Variants in ODAD1 observed in about 807,000 individuals in gnomAD.
The protein encoded by ODAD1 is outer dynein arm-docking complex subunit 1.
Under a neutral mutation model 67.2 loss-of-function variants are expected in ODAD1, and 49 were observed. The observed-to-expected ratio is 0.73, with a 90% confidence interval of 0.58 to 0.92. ODAD1 has a LOEUF of 0.92. ODAD1 is among the 40% of genes least tolerant of loss of function. ODAD1 has a pLI of 0.00. For missense variants in ODAD1, 897 were observed against 953.7 expected (o/e 0.94, Z 0.78); for synonymous variants, 345 against 393.7 (o/e 0.88, Z 1.46).
In ODAD1 at chr19:48,303,105, T is replaced by C; in HGVS notation, c.989-10A>G. 6.2e-7 allele frequency: 1 copy of C among 1,608,286 alleles called. No homozygotes were observed. Among genetic ancestry groups the C allele is most frequent in the Non-Finnish European group, 8.5e-7 (1 of 1,175,220 alleles). ...AAGTTGCGCTCCTCGACTGGGAGAGTTGGGCAAGGCGGGGCCCAGAGAGAG... is the reference window on the plus strand; with the variant it reads ...AAGTTGCGCTCCTCGACTGGGAGAGCTGGGCAAGGCGGGGCCCAGAGAGAG... On this transcript the variant is annotated splice_polypyrimidine_tract_variant and intron_variant, in intron 10 of 15. Coordinates refer to ENST00000674294, the MANE Select transcript of ODAD1 (RefSeq NM_001364171.2).
At chr19:48,320,132 GC>G in intron 3 of ODAD1, 166 bp downstream of exon 3, 1 of 959,690 alleles carries the variant, frequency 1.0e-6, no homozygotes, top group Non-Finnish European at 1.3e-6. Context: ...CCCAGGCTTG[GC>G]CCACCCACCG....
chr19:48,314,246 G>A (rs1042661317), intron 5 of ODAD1, among the ~76,000 whole-genome samples: 16 of 152,270 alleles, frequency 1.1e-4, no homozygotes, highest in Admixed American at 4.6e-4. Context: ...CCAGCAAACC[G>A]GCAGAAGCAG....
rs1968344259 is a variant in ODAD1 at position 48,297,795 on chromosome 19, G to A, written c.1503-127C>T. 8.4e-6 allele frequency: 8 copies of A among 947,794 alleles called. No individual in the cohort carries two copies. In the South Asian group the frequency reaches 1.5e-4, roughly 17 times the overall value. The allele number at this position is 947,794 out of a possible 1,614,324, so 58.7% of individuals were successfully genotyped here. Reference sequence around the variant, plus strand: ...AGCCCCGAGTGCCCTTCCCTTCTGGGGCACCCGGGGCCCCATCCTCCCACA... The same window carrying A: ...AGCCCCGAGTGCCCTTCCCTTCTGGAGCACCCGGGGCCCCATCCTCCCACA... On this transcript the variant is annotated intron_variant, in intron 14 of 15. Coordinates refer to ENST00000674294, the MANE Select transcript of ODAD1 (RefSeq NM_001364171.2).
rs553397022 is a variant in ODAD1 at position 48,310,132 on chromosome 19, G to C, written c.597+1421C>G. Among the ~76,000 whole-genome samples the C allele has an allele frequency of 1.2e-4, 19 of 152,234 alleles. No individual in the cohort carries two copies. In the East Asian group the frequency reaches 3.1e-3, roughly 25 times the overall value. ...GCCTGTAATCCCAGCTACTCAGGAG[G>C]CTGAGGCAGGAGAATCACTTGAACC... On this transcript the variant is annotated intron_variant, in intron 7 of 15. Transcript: ENST00000674294.
intron 12 of ODAD1, 145 bp from the exon 13 acceptor site, chr19:48,298,485 GC>G: frequency 1.3e-6 from 1 of 755,722 alleles, no homozygotes; most frequent in Non-Finnish European, 2.2e-6. Context: ...AGCTCAGCCA[GC>G]CAGGCAGGGG....
rs928964549 is a variant in ODAD1 at position 48,297,112 on chromosome 19, T to G, written c.1988A>C (p.Glu663Ala). The G allele has an allele frequency of 1.9e-6, 3 of 1,613,494 alleles. No individual in the cohort carries two copies. Among genetic ancestry groups the G allele is most frequent in the Non-Finnish European group, 2.5e-6 (3 of 1,179,620 alleles). The change falls in exon 16 of 16, where the codon GAG becomes GCG. Residue 663 changes from glutamate to alanine, a missense_variant. By Grantham distance (107) the Glu-to-Ala change is moderately radical. Coordinates refer to ENST00000674294, the MANE Select transcript of ODAD1 (RefSeq NM_001364171.2). ...VGSSRGGENT[E>A]GGVESGGTAS... ...TGTGCCTCCGCTCTCCACACCACCCTCTGTGTTTTCTCCGCCCCTGCTGGA... is the reference window on the plus strand; with the variant it reads ...TGTGCCTCCGCTCTCCACACCACCCGCTGTGTTTTCTCCGCCCCTGCTGGA...
At chr19:48,302,364 TTGAATGGA>T (rs1440608783) in intron 12 of ODAD1, among the ~76,000 whole-genome samples, 1 of 125,190 alleles carries the variant, frequency 8.0e-6, no homozygotes, top group African/African-American at 3.2e-5. Context: ...GAGACAGACG[TTGAATGGA>T]TGGATGGATG....
At chr19:48,313,150 C>T (rs1005446102) in intron 5 of ODAD1, among the ~76,000 whole-genome samples, 2 of 152,088 alleles carry the variant, frequency 1.3e-5, no homozygotes, top group African/African-American at 2.4e-5. Flanking sequence ...ATATGTTGGC[C>T]GGGCACGGTG....
In ODAD1 at chr19:48,311,649, G is replaced by A. The variant is rs1968767994; in HGVS notation, c.501C>T (p.Asp167=). ...GGGCCGCATTCCGTACCAGCTGGTT[G>A]TCAAAGTGACAGGTGACCTGGGAGT... ...NQLDRVTCHF[D]NQLVRNAALR... is the part of the protein sequence containing the mutation. The change falls in exon 7 of 16, where the codon GAC becomes GAT. Residue 167 remains aspartate, a synonymous_variant. Coordinates refer to ENST00000674294, the MANE Select transcript of ODAD1 (RefSeq NM_001364171.2). 1 of 1,549,870 alleles carries A rather than the reference G, an allele frequency of 6.5e-7. No individual in the cohort carries two copies.
chr19:48,311,660 A>G lies in ODAD1; in HGVS notation c.490T>C (p.Cys164Arg). The G allele has an allele frequency of 6.5e-7, 1 of 1,543,938 alleles. No individual in the cohort carries two copies. Among genetic ancestry groups the G allele is most frequent in the Middle Eastern group, 1.7e-4 (1 of 5,972 alleles). Reference sequence around the variant, plus strand: ...CGTACCAGCTGGTTGTCAAAGTGACAGGTGACCTGGGAGTAGAAAGGTGGA... The same window carrying G: ...CGTACCAGCTGGTTGTCAAAGTGACGGGTGACCTGGGAGTAGAAAGGTGGA... ...ILENQLDRVT[C>R]HFDNQLVRNA... The change falls in exon 7 of 16, where the codon TGT (cysteine) becomes CGT (arginine). Residue 164 changes from cysteine (C) to arginine (R), a missense_variant. Cys to Arg is a radical substitution (Grantham distance 180). Transcript: ENST00000674294.
intron 10 of ODAD1, chr19:48,303,440 A>G: frequency 3.3e-6 from 2 of 614,676 alleles, no homozygotes; most frequent in Non-Finnish European, 5.7e-6. Context: ...GAGTGACCCC[A>G]GGCCCAGGAG....
chr19:48,316,546 T>C (rs1249484868), intron 5 of ODAD1, among the ~76,000 whole-genome samples: 1 of 152,188 alleles, frequency 6.6e-6, no homozygotes, highest in Non-Finnish European at 1.5e-5. Context: ...TCTTAATATA[T>C]TCTGGATACA....
intron 7 of ODAD1, among the ~76,000 whole-genome samples, chr19:48,309,540 C>T (rs1314776817): frequency 1.3e-5 from 2 of 152,144 alleles, no homozygotes; most frequent in African/African-American, 4.8e-5. Flanking sequence ...CTGAGCTGTC[C>T]TAACACTCGG....
At chr19:48,300,689 T>A (rs982204992) in intron 12 of ODAD1, among the ~76,000 whole-genome samples, 1 of 152,046 alleles carries the variant, frequency 6.6e-6, no homozygotes, top group African/African-American at 2.4e-5. Context: ...ACCCAATTTT[T>A]AAAAAAACAA....
Position 48,298,442 on chromosome 19 carries a change from G to C in ODAD1, c.1241-102C>G, listed in dbSNP as rs539960355. The C allele has an allele frequency of 3.8e-5, 48 of 1,279,702 alleles. No homozygotes were observed. The Admixed American group carries it at 6.0e-4, about 16-fold the overall frequency. 79.3% of individuals were successfully genotyped at this position (1,279,702 alleles called of 1,614,324 possible). A position where few individuals can be genotyped will look rare whatever the true frequency, so the allele number is the denominator to read the frequency against. On this transcript the variant is annotated intron_variant, in intron 12 of 15. Coordinates refer to ENST00000674294, the MANE Select transcript of ODAD1 (RefSeq NM_001364171.2). ...ACTGCCCCATTCTACAGAGACTGCG[G>C]TCAAGGCTCAGAGACCAAAAGGGAG...
intron 5 of ODAD1, among the ~76,000 whole-genome samples, chr19:48,316,203 A>AC (rs1334658015): frequency 1.3e-5 from 2 of 151,764 alleles, no homozygotes; most frequent in Non-Finnish European, 2.9e-5. Flanking sequence ...ACATAGTGAA[A>AC]CCCCCCATCT....
At chr19:48,299,260 A>G (rs1968392388) in intron 12 of ODAD1, among the ~76,000 whole-genome samples, 1 of 151,760 alleles carries the variant, frequency 6.6e-6, no homozygotes, top group South Asian at 2.1e-4. Flanking sequence ...AATACAAAAA[A>G]ACTAGCCGGG....
At chr19:48,318,347 C>T in intron 5 of ODAD1, 40 bp downstream of exon 5, 2 of 1,521,252 alleles carry the variant, frequency 1.3e-6, no homozygotes, top group Non-Finnish European at 1.8e-6. Context: ...ACAACACTTG[C>T]CCGTAAGCAG....
chr19:48,310,802 C>T (rs947700330), intron 7 of ODAD1, among the ~76,000 whole-genome samples: 1 of 152,138 alleles, frequency 6.6e-6, no homozygotes, highest in Non-Finnish European at 1.5e-5. Flanking sequence ...CAAGACCGGA[C>T]GCAGTGGCTC....
Sources: allele counts gnomAD v4.1 joint callset (sites outside exome capture counted in the v4.1 genomes callset), GRCh38; gene constraint gnomAD v4.1.1; transcripts MANE v1.5; gene names NCBI Gene and HGNC (gene_info 2026-07-23, HGNC 2026-07-21).